Variants in WNT4 observed in about 807,000 individuals in gnomAD.
The protein encoded by WNT4 is protein Wnt-4.
A neutral mutation model predicts 34.5 loss-of-function variants in WNT4; 16 were observed. The observed-to-expected ratio is 0.46, with a 90% CI of 0.31 to 0.70. The LOEUF (loss-of-function observed/expected upper bound fraction) is 0.70, where lower values mean the gene tolerates loss of function less well. Among genes scored for constraint, WNT4 ranks in the 30% least tolerant of loss-of-function variants. The probability of loss-of-function intolerance (pLI) is 0.04; values close to 1 mark genes in which losing one functional copy is unlikely to be tolerated. For missense variants in WNT4, 379 were observed against 495.9 expected (o/e 0.76, Z 2.24); for synonymous variants, 200 against 211.9 (o/e 0.94, Z 0.49).
chr1:22,140,209 A>T lies in WNT4; in HGVS notation c.77+2637T>A, dbSNP rs1646055621. On this transcript the variant is annotated intron_variant, in intron 1 of 4. Transcript: ENST00000290167. This position sits in a 1 kb window ranked among gnomAD's most constrained non-coding sequence, Gnocchi z 5.9. Reference sequence around the variant, plus strand: ...CTCCTCATACCTCACACTTGAAAAGACACAGTGCCAGCCATCATGCCTGCA... The same window carrying T: ...CTCCTCATACCTCACACTTGAAAAGTCACAGTGCCAGCCATCATGCCTGCA... The T allele has an allele frequency of 1.0e-6, 1 of 985,290 alleles. No individual in the cohort carries two copies. The highest frequency in any genetic ancestry group is 4.7e-5 in the South Asian group (1 of 21,286). The allele number at this position is 985,290 out of a possible 1,614,324, so 61.0% of individuals were successfully genotyped here. A position where few individuals can be genotyped will look rare whatever the true frequency, so the allele number is the denominator to read the frequency against.
intron 2 of WNT4, chr1:22,127,296 G>A (rs1409240283): frequency 1.9e-6 from 1 of 527,112 alleles, no homozygotes; most frequent in Non-Finnish European, 3.9e-6. Flanking sequence ...GAGCCGGTGT[G>A]GGTGCCCCCT....
rs1646035600 is a variant in WNT4 at position 22,137,985 on chromosome 1, T to A, written c.77+4861A>T. ...TCTAAACAAGCCCACCTTTCATTCA[T>A]CCATCAAAGATCGGCTGAGCACCTA... is the stretch of plus-strand genomic sequence containing the variant. On this transcript the variant is annotated intron_variant, in intron 1 of 4. Coordinates refer to ENST00000290167, the MANE Select transcript of WNT4 (RefSeq NM_030761.5). This position sits in a 1 kb window ranked among gnomAD's most constrained non-coding sequence, Gnocchi z 5.3. 6.6e-6 allele frequency among the ~76,000 whole-genome samples: 1 copy of A among 152,196 alleles called. No homozygotes were observed.
chr1:22,122,486 C>T (rs929048408), intron 2 of WNT4, among the ~76,000 whole-genome samples: 1 of 152,086 alleles, frequency 6.6e-6, no homozygotes, highest in Non-Finnish European at 1.5e-5. Context: ...AACTGTGCCT[C>T]GGGGGTGTAG....
Position 22,134,579 on chromosome 1 carries a change from T to C in WNT4, c.78-4728A>G, listed in dbSNP as rs1170930477. Among the ~76,000 whole-genome samples the C allele has an allele frequency of 6.6e-6, 1 of 152,186 alleles. No homozygotes were observed. Among genetic ancestry groups the C allele is most frequent in the African/African-American group, 2.4e-5 (1 of 41,438 alleles). ...GGTCCAAATGTCATCCTTGTGTTGC[T>C]TGAAGCAAGTTAGTGAACACCTCTG... is the stretch of plus-strand genomic sequence containing the variant. On this transcript the variant is annotated intron_variant, in intron 1 of 4. Coordinates refer to ENST00000290167, the MANE Select transcript of WNT4 (RefSeq NM_030761.5). This position sits in a 1 kb window ranked among gnomAD's most constrained non-coding sequence, Gnocchi z 4.1.
chr1:22,122,324 G>A (rs997541762), intron 2 of WNT4, among the ~76,000 whole-genome samples: 1 of 152,116 alleles, frequency 6.6e-6, no homozygotes, highest in South Asian at 2.1e-4. Context: ...GATCAGCCGG[G>A]GAAGGGATTT....
rs1645875898 is a variant in WNT4, at chr1:22,119,356, T to C, written c.*694A>G. The stretch of plus-strand genomic sequence containing the variant: ...TAGGTGGGTCTGGGGAGTGGTTAAG[T>C]TTCCTCTTCCCAGGGGCAGGCTGGG... On this transcript the variant is annotated 3_prime_UTR_variant, in exon 5 of 5. Transcript: ENST00000290167. The C allele has an allele frequency of 1.3e-5, 2 of 154,032 alleles. No individual in the cohort carries two copies. The highest frequency in any genetic ancestry group is 1.3e-4 in the Admixed American group (2 of 15,632). 9.5% of individuals were successfully genotyped at this position (154,032 alleles called of 1,614,324 possible). A position where few individuals can be genotyped will look rare whatever the true frequency, so the allele number is the denominator to read the frequency against.
chr1:22,121,175 C>G, intron 4 of WNT4, 36 bp downstream of exon 4: 1 of 1,613,052 alleles, frequency 6.2e-7, no homozygotes, highest in Non-Finnish European at 8.5e-7. Context: ...CATGCTATCC[C>G]TACCCCGCTC....
intron 1 of WNT4, among the ~76,000 whole-genome samples, chr1:22,135,964 C>T (rs1646018697): frequency 6.6e-6 from 1 of 152,164 alleles, no homozygotes; most frequent in African/African-American, 2.4e-5. Context: ...CCTCAGTGCC[C>T]TCATTTTCTG....
intron 4 of WNT4, among the ~76,000 whole-genome samples, chr1:22,120,974 GTA>G (rs2124099366): frequency 6.6e-6 from 1 of 152,222 alleles, no homozygotes; most frequent in South Asian, 2.1e-4. Flanking sequence ...ACACATATAT[GTA>G]TGTGTGTGGG....
chr1:22,128,390 G>A (rs1056624283), intron 2 of WNT4, among the ~76,000 whole-genome samples: 4 of 152,202 alleles, frequency 2.6e-5, no homozygotes, highest in African/African-American at 9.7e-5. Flanking sequence ...GTAGAAAAAG[G>A]GGCCCATGGT....
rs939585204 is a variant in WNT4, at chr1:22,134,281, G to A, written c.78-4430C>T. On this transcript the variant is annotated intron_variant, in intron 1 of 4. Transcript: ENST00000290167. The surrounding 1 kb of genome is among the most constrained non-coding windows in gnomAD (Gnocchi z 4.1). ...GTGGGAGGGGGAGCCGGAAGAAAAC[G>A]GAGTGGCTGCTGAACAGAGCTGCCT... Among the ~76,000 whole-genome samples, 3 of 152,212 alleles carry A rather than the reference G, an allele frequency of 2.0e-5. No individual in the cohort carries two copies. The highest frequency in any genetic ancestry group is 4.4e-5 in the Non-Finnish European group (3 of 68,036).
intron 1 of WNT4, among the ~76,000 whole-genome samples, chr1:22,135,578 T>C (rs781673287): frequency 5.3e-5 from 8 of 152,060 alleles, no homozygotes; most frequent in Non-Finnish European, 1.0e-4. Context: ...TAAGGGGTGC[T>C]GGGGACAGAT....
At chr1:22,131,204 C>G (rs567375646) in intron 1 of WNT4, among the ~76,000 whole-genome samples, 3 of 152,328 alleles carry the variant, frequency 2.0e-5, no homozygotes, top group East Asian at 3.9e-4. Flanking sequence ...AAGATGCTAG[C>G]CAGGGTGCAG....
intron 1 of WNT4, among the ~76,000 whole-genome samples, chr1:22,141,252 C>G (rs749157798): frequency 1.8e-4 from 27 of 152,232 alleles, no homozygotes; most frequent in Non-Finnish European, 2.9e-4. Context: ...CTTGGACTGC[C>G]ACTTTTTTTT....
At chr1:22,132,532 G>A (rs888274159) in intron 1 of WNT4, among the ~76,000 whole-genome samples, 16 of 152,310 alleles carry the variant, frequency 1.1e-4, no homozygotes, top group African/African-American at 2.9e-4. Context: ...GGGAGTGGCC[G>A]GGCCTCAGGG....
At chr1:22,124,148 A>C (rs891603395) in intron 2 of WNT4, among the ~76,000 whole-genome samples, 2 of 152,232 alleles carry the variant, frequency 1.3e-5, no homozygotes, top group African/African-American at 4.8e-5. Flanking sequence ...ATATAGAGAA[A>C]GAACTGTAGT....
Position 22,129,800 on chromosome 1 carries a change from G to A in WNT4, c.129C>T (p.Cys43=), listed in dbSNP as rs148427888. 6.2e-6 allele frequency: 10 copies of A among 1,613,900 alleles called. No homozygotes were observed. The highest frequency in any genetic ancestry group is 1.3e-5 in the African/African-American group (1 of 74,918). The change falls in exon 2 of 5, where the codon TGC becomes TGT. Residue 43 remains cysteine, a synonymous_variant. Coordinates refer to ENST00000290167, the MANE Select transcript of WNT4 (RefSeq NM_030761.5). ...TCTGGATCAGGCCCTTGAGTTTCTC[G>A]CACGTCTCCTCCTCTGAGATGCTCC... is the stretch of plus-strand genomic sequence containing the variant. The part of the protein sequence containing the change: ...SVGSISEEET[C]EKLKGLIQRQ...
chr1:22,119,820 A>C lies in WNT4; in HGVS notation c.*230T>G, dbSNP rs1174871208. 2 of 599,002 alleles carry C rather than the reference A, an allele frequency of 3.3e-6. No homozygotes were observed. Among genetic ancestry groups the C allele is most frequent in the Non-Finnish European group, 5.9e-6 (2 of 338,894 alleles). The allele number at this position is 599,002 out of a possible 1,614,324, so 37.1% of individuals were successfully genotyped here. Reference sequence around the variant, plus strand: ...ATGCGGGCAGCCAGCGGCACGAGCAAGGTCCCTTTGGTCAGTGGCAGCCAC... The same window carrying C: ...ATGCGGGCAGCCAGCGGCACGAGCACGGTCCCTTTGGTCAGTGGCAGCCAC... On this transcript the variant is annotated 3_prime_UTR_variant, in exon 5 of 5. Coordinates refer to ENST00000290167, the MANE Select transcript of WNT4 (RefSeq NM_030761.5).
chr1:22,132,924 G>A (rs969675590), intron 1 of WNT4, among the ~76,000 whole-genome samples: 10 of 152,150 alleles, frequency 6.6e-5, no homozygotes, highest in Non-Finnish European at 2.9e-5. Flanking sequence ...ACCGGGCACC[G>A]GCTCTAGAGA....
Sources: gnomAD v4.1 joint callset for allele counts (sites outside exome capture counted in the v4.1 genomes callset) on GRCh38, gnomAD v4.1.1 for gene constraint, Gnocchi (gnomAD v3.1) non-coding constraint, MANE v1.5 for transcripts, NCBI Gene and HGNC (gene_info 2026-07-23, HGNC 2026-07-21) for gene names.